Variants in CHD9 observed in about 807,000 individuals in gnomAD.
The protein encoded by CHD9 is chromodomain helicase DNA binding protein 9.
A neutral mutation model predicts 316.1 loss-of-function variants in CHD9; 77 were observed. The observed-to-expected ratio is 0.24, with a 90% CI of 0.20 to 0.29. The LOEUF (loss-of-function observed/expected upper bound fraction) is 0.29. CHD9 is among the 10% of genes least tolerant of loss of function. The pLI, the probability that CHD9 is intolerant of heterozygous loss-of-function variation, is 1.00. For synonymous variants in CHD9, 1,129 were observed against 1,158.3 expected, an observed-to-expected ratio of 0.97 and a Z score of 0.51; for missense variants, 2,763 against 3,438.1, an observed-to-expected ratio of 0.80 and a Z score of 4.91.
At chr16:53,314,793 A>G in intron 35 of CHD9, 30 bp from the exon 36 acceptor site, 1 of 1,459,780 alleles carries the variant, frequency 6.9e-7, no homozygotes, top group Non-Finnish European at 9.5e-7. Flanking sequence ...AAGTATGAAA[A>G]TAAAGATACC....
intron 5 of CHD9, chr16:53,227,164 CAGCACATTAAAA>C (rs1488234064): frequency 3.9e-5 from 13 of 329,984 alleles, no homozygotes; most frequent in African/African-American, 2.7e-4. Context: ...GAATAATGAC[CAGCACATTAAAA>C]AGCACAATAT....
At chr16:53,256,644 C>G (rs1179523320) in intron 19 of CHD9, among the ~76,000 whole-genome samples, 2 of 138,602 alleles carry the variant, frequency 1.4e-5, no homozygotes, top group East Asian at 4.2e-4. Flanking sequence ...TTCTTTCTCT[C>G]TCCTTTTTTT....
At chr16:53,071,637 A>G (rs1023151682) in intron 1 of CHD9, among the ~76,000 whole-genome samples, 1 of 152,058 alleles carries the variant, frequency 6.6e-6, no homozygotes, top group Non-Finnish European at 1.5e-5. Flanking sequence ...AGGCTAGAAG[A>G]CCCCAGAGCC....
intron 18 of CHD9, among the ~76,000 whole-genome samples, chr16:53,254,851 G>A (rs561751443): frequency 6.6e-6 from 1 of 152,156 alleles, no homozygotes; most frequent in African/African-American, 2.4e-5. Context: ...CTCTTTTTAG[G>A]ACATTTGTAT....
In CHD9 at chr16:53,200,997, A is replaced by G. The variant is rs979971544; in HGVS notation, c.1453-8485A>G. On this transcript the variant is annotated intron_variant, in intron 2 of 38. Transcript: ENST00000447540. Reference sequence around the variant, plus strand: ...ATCTATTAGGTTTCACAAGAGCCCTATTAGATGAATACTGTTATTATCTAC... The same window carrying G: ...ATCTATTAGGTTTCACAAGAGCCCTGTTAGATGAATACTGTTATTATCTAC... Among the ~76,000 whole-genome samples the G allele has an allele frequency of 3.3e-5, 5 of 152,226 alleles. No individual in the cohort carries two copies. The East Asian group carries it at 7.7e-4, about 23-fold the overall frequency.
intron 17 of CHD9, among the ~76,000 whole-genome samples, chr16:53,254,109 G>A (rs996667052): frequency 1.3e-5 from 2 of 152,040 alleles, no homozygotes; most frequent in African/African-American, 2.4e-5. Context: ...CCCAGGAGGC[G>A]GAGGTTGCAG....
intron 1 of CHD9, among the ~76,000 whole-genome samples, chr16:53,069,485 T>G (rs2033820732): frequency 6.6e-6 from 1 of 152,206 alleles, no homozygotes; most frequent in Non-Finnish European, 1.5e-5. Context: ...TTTGTGAGTT[T>G]GACTACTCTG....
At chr16:53,136,715 A>G (rs1162900276) in intron 1 of CHD9, among the ~76,000 whole-genome samples, 1 of 152,172 alleles carries the variant, frequency 6.6e-6, no homozygotes, top group Non-Finnish European at 1.5e-5. Context: ...AATTCACTAC[A>G]TATTCCAATA....
At chr16:53,314,311 G>A in intron 34 of CHD9, 66 bp from the exon 35 acceptor site, 2 of 1,134,284 alleles carry the variant, frequency 1.8e-6, no homozygotes, top group Non-Finnish European at 2.5e-6. Context: ...ATTTAGGAAA[G>A]GGATTACTTT....
intron 13 of CHD9, among the ~76,000 whole-genome samples, chr16:53,243,270 A>T (rs1597605795): frequency 6.6e-6 from 1 of 152,088 alleles, no homozygotes; most frequent in Non-Finnish European, 1.5e-5. Context: ...ACCTCTATAG[A>T]GTATGTACTA....
intron 29 of CHD9, among the ~76,000 whole-genome samples, chr16:53,296,434 A>ATTTTTT (rs35618799): frequency 4.8e-4 from 49 of 101,758 alleles, no homozygotes; most frequent in Non-Finnish European, 5.2e-4. Context: ...TTAAAAGTAA[A>ATTTTTT]TTTTTTTTTT....
intron 3 of CHD9, among the ~76,000 whole-genome samples, chr16:53,212,070 G>A (rs2046373103): frequency 1.3e-5 from 2 of 152,118 alleles, no homozygotes; most frequent in South Asian, 4.1e-4. Context: ...AATTTGGAAA[G>A]CAGTGCAACT....
intron 3 of CHD9, 150 bp downstream of exon 3, chr16:53,209,963 T>A (rs888360767): frequency 2.6e-5 from 16 of 611,176 alleles, no homozygotes; most frequent in Non-Finnish European, 4.3e-5. Flanking sequence ...CATTGCCGAA[T>A]GAATTAGATA....
chr16:53,124,232 T>C (rs543308053), intron 1 of CHD9, among the ~76,000 whole-genome samples: 25 of 152,268 alleles, frequency 1.6e-4, no homozygotes, highest in Non-Finnish European at 3.2e-4. Flanking sequence ...GCATCTTCAA[T>C]TACACTTTGT....
chr16:53,177,940 C>T (rs17302707), intron 2 of CHD9, among the ~76,000 whole-genome samples: 42,304 of 152,044 alleles, frequency 0.28, 5,977 homozygotes, highest in Middle Eastern at 0.32. Context: ...TACACATGAA[C>T]TTCTCAGGCT....
chr16:53,111,902 G>A (rs2037896688), intron 1 of CHD9, among the ~76,000 whole-genome samples: 3 of 152,142 alleles, frequency 2.0e-5, no homozygotes, highest in Admixed American at 1.3e-4. Context: ...CTTAATATGC[G>A]ATGACTTTAT....
At chr16:53,273,241 C>T (rs2052463409) in intron 22 of CHD9, among the ~76,000 whole-genome samples, 1 of 152,070 alleles carries the variant, frequency 6.6e-6, no homozygotes, top group Non-Finnish European at 1.5e-5. Flanking sequence ...GGATGGCTAA[C>T]CTAATCTATC....
Position 53,245,856 on chromosome 16 carries a change from TA to T in CHD9, c.3454+12del. 2 of 1,476,628 alleles carry T rather than the reference TA, an allele frequency of 1.4e-6. No individual in the cohort carries two copies. Among genetic ancestry groups the T allele is most frequent in the Non-Finnish European group, 1.8e-6 (2 of 1,113,020 alleles). 91.5% of individuals were successfully genotyped at this position (1,476,628 alleles called of 1,614,324 possible). On this transcript the variant is annotated splice_region_variant and intron_variant, in intron 15 of 38. Transcript: ENST00000447540. This position sits in a 1 kb window ranked among gnomAD's most constrained non-coding sequence, Gnocchi z 4.1. Reference sequence around the variant, plus strand: ...TCATCCATATCTTATAAAAGGTAGCTAAAAAAGATTACAACAAATATGTTTT... The same window carrying T: ...TCATCCATATCTTATAAAAGGTAGCTAAAAAGATTACAACAAATATGTTTT...
intron 1 of CHD9, among the ~76,000 whole-genome samples, chr16:53,151,467 G>A (rs2041111034): frequency 6.6e-6 from 1 of 151,922 alleles, no homozygotes; most frequent in Non-Finnish European, 1.5e-5. Context: ...TGTTGGCCAG[G>A]TTGGTCTCGA....
Sources: allele counts gnomAD v4.1 joint callset (sites outside exome capture counted in the v4.1 genomes callset), GRCh38; gene constraint gnomAD v4.1.1; non-coding constraint Gnocchi (gnomAD v3.1); transcripts MANE v1.5; gene names NCBI Gene and HGNC (gene_info 2026-07-23, HGNC 2026-07-21).